The following LAMA4 variants were observed in gnomAD, a reference collection of about 807,000 sequenced individuals.
The protein encoded by LAMA4 is laminin subunit alpha-4.
A neutral mutation model predicts 207.1 loss-of-function variants in LAMA4; 127 were observed. That is an observed-to-expected ratio of 0.61 (90% CI 0.53 to 0.71). LAMA4 has a LOEUF of 0.71. Among genes scored for constraint, LAMA4 ranks in the 30% least tolerant of loss-of-function variants. The probability of loss-of-function intolerance (pLI) is 0.00; values close to 1 mark genes in which losing one functional copy is unlikely to be tolerated. For missense variants in LAMA4, 2,093 were observed against 2,246.5 expected (o/e 0.93, Z 1.38); for synonymous variants, 761 against 816.0 (o/e 0.93, Z 1.15).
rs587773318 is a variant in LAMA4, at chr6:112,108,253, C to T, written c.*1184G>A. Among the ~76,000 whole-genome samples, 1 of 152,046 alleles carries T rather than the reference C, an allele frequency of 6.6e-6. No individual in the cohort carries two copies. Among genetic ancestry groups the T allele is most frequent in the East Asian group, 1.9e-4 (1 of 5,176 alleles). On this transcript the variant is annotated 3_prime_UTR_variant, in exon 39 of 39. Transcript: ENST00000230538. ...GGCCTATTTTCTCTTTTTCTGTCTT[C>T]TGAGTTGAGGTTTTTAGATATAATT...
rs964165785 is a variant in LAMA4, at chr6:112,108,551, C to G, written c.*886G>C. Among the ~76,000 whole-genome samples, 1 of 152,134 alleles carries G rather than the reference C, an allele frequency of 6.6e-6. No homozygotes were observed. The highest frequency in any genetic ancestry group is 1.5e-5 in the Non-Finnish European group (1 of 68,036). On this transcript the variant is annotated 3_prime_UTR_variant, in exon 39 of 39. Transcript: ENST00000230538. ...CCTCCCGTCTCAGCCTCCCAAGTAG[C>G]TGGGACTACAGGTGTATGCCCATGT...
At chr6:112,151,949 TA>T (rs1378494786) in intron 16 of LAMA4, among the ~76,000 whole-genome samples, 1 of 152,146 alleles carries the variant, frequency 6.6e-6, no homozygotes, top group African/African-American at 2.4e-5. Flanking sequence ...TGTGACAAAT[TA>T]CAATTGATTT....
rs553703974 is a variant in LAMA4, at chr6:112,138,781, T to G, written c.3282+339A>C. Among the ~76,000 whole-genome samples the G allele has an allele frequency of 5.3e-5, 8 of 152,302 alleles. No homozygotes were observed. In the South Asian group the frequency reaches 1.7e-3, roughly 32 times the overall value. ...ATACATATATACAAAGCATGCAAGC[T>G]TTGCTTTAAAATTGATTAGGGCATA... On this transcript the variant is annotated intron_variant, in intron 24 of 38. Coordinates refer to ENST00000230538, the MANE Select transcript of LAMA4 (RefSeq NM_001105206.3).
chr6:112,246,367 G>A (rs1786924943), intron 2 of LAMA4, among the ~76,000 whole-genome samples: 1 of 152,044 alleles, frequency 6.6e-6, no homozygotes, highest in African/African-American at 2.4e-5. Flanking sequence ...ATTATGTCTG[G>A]CCATCATTAT....
chr6:112,194,806 A>C (rs1265947569), intron 5 of LAMA4, among the ~76,000 whole-genome samples: 2 of 152,162 alleles, frequency 1.3e-5, no homozygotes, highest in Admixed American at 1.3e-4. Context: ...AGTTTAGAGT[A>C]AGCATTGGAG....
At chr6:112,232,658 T>A (rs1318872387) in intron 2 of LAMA4, among the ~76,000 whole-genome samples, 1 of 152,204 alleles carries the variant, frequency 6.6e-6, no homozygotes, top group Admixed American at 6.6e-5. Context: ...ATAGCTATTC[T>A]GTTACAGCAC....
At chr6:112,115,098 C>T (rs1168021039) in intron 36 of LAMA4, among the ~76,000 whole-genome samples, 2 of 152,180 alleles carry the variant, frequency 1.3e-5, no homozygotes, top group Non-Finnish European at 2.9e-5. Flanking sequence ...CAGCCAGTCT[C>T]CTATTTAACT....
intron 3 of LAMA4, among the ~76,000 whole-genome samples, chr6:112,215,756 C>T (rs1293975049): frequency 2.6e-5 from 4 of 152,122 alleles, no homozygotes; most frequent in African/African-American, 7.2e-5. Context: ...CTCAATCTTT[C>T]GCACAAGGCT....
At chr6:112,242,832 G>A (rs559879605) in intron 2 of LAMA4, among the ~76,000 whole-genome samples, 94 of 152,284 alleles carry the variant, frequency 6.2e-4, no homozygotes, top group Admixed American at 1.2e-3. Context: ...GCTCTACTCT[G>A]TATAATATAA....
chr6:112,221,382 T>C (rs542975158), intron 2 of LAMA4, among the ~76,000 whole-genome samples: 1 of 152,316 alleles, frequency 6.6e-6, no homozygotes, highest in South Asian at 2.1e-4. Flanking sequence ...TGAATTAGAC[T>C]TAGAATTTGA....
intron 19 of LAMA4, 108 bp from the exon 20 acceptor site, chr6:112,142,400 A>G (rs1263878119): frequency 3.1e-6 from 3 of 961,696 alleles, no homozygotes; most frequent in African/African-American, 1.6e-5. Flanking sequence ...CTTCACCTCC[A>G]TACCTGTAGT....
intron 5 of LAMA4, among the ~76,000 whole-genome samples, chr6:112,197,214 T>C (rs1350387679): frequency 6.6e-6 from 1 of 152,144 alleles, no homozygotes; most frequent in Non-Finnish European, 1.5e-5. Flanking sequence ...TCTGGTGGAT[T>C]TGGTGAGTAG....
rs544805373 is a variant in LAMA4, at chr6:112,165,376, A to G, written c.1552-100T>C. ...CAACTTGCTCTCTTTGGACTCAGACAAATCTGGGTTCATATCCCAGCTCCA... is the reference window on the plus strand; with the variant it reads ...CAACTTGCTCTCTTTGGACTCAGACGAATCTGGGTTCATATCCCAGCTCCA... On this transcript the variant is annotated intron_variant, in intron 12 of 38. Transcript: ENST00000230538. 3.6e-6 allele frequency: 3 copies of G among 825,528 alleles called. No individual in the cohort carries two copies. The Admixed American group carries it at 5.1e-5, about 14-fold the overall frequency. The allele number at this position is 825,528 out of a possible 1,614,324, so 51.1% of individuals were successfully genotyped here. A position where few individuals can be genotyped will look rare whatever the true frequency, so the allele number is the denominator to read the frequency against.
At chr6:112,176,344 A>G (rs1430222736) in intron 10 of LAMA4, among the ~76,000 whole-genome samples, 1 of 152,218 alleles carries the variant, frequency 6.6e-6, no homozygotes, top group Non-Finnish European at 1.5e-5. Flanking sequence ...AAGAGGAAGC[A>G]TTTTATCTTG....
chr6:112,237,197 A>T (rs971225139), intron 2 of LAMA4, among the ~76,000 whole-genome samples: 3 of 152,200 alleles, frequency 2.0e-5, no homozygotes, highest in Non-Finnish European at 4.4e-5. Flanking sequence ...GCATAAAAAT[A>T]TCTCTCAGGA....
At position 112,167,808 on chromosome 6, in the gene LAMA4, C is replaced by T. The variant is rs571943214; in HGVS notation, c.1552-2532G>A. On this transcript the variant is annotated intron_variant, in intron 12 of 38. Coordinates refer to ENST00000230538, the MANE Select transcript of LAMA4 (RefSeq NM_001105206.3). Reference sequence around the variant, plus strand: ...CTGGAGTGCTGCCCTTGGATGCTCACGGTCTAGTGGGGTTAGACTAGATGC... The same window carrying T: ...CTGGAGTGCTGCCCTTGGATGCTCATGGTCTAGTGGGGTTAGACTAGATGC... Among the ~76,000 whole-genome samples the T allele has an allele frequency of 6.0e-5, 9 of 151,110 alleles. No homozygotes were observed. The South Asian group carries it at 1.3e-3, about 21-fold the overall frequency.
At chr6:112,169,407 C>A (rs1781585335) in intron 12 of LAMA4, among the ~76,000 whole-genome samples, 1 of 152,148 alleles carries the variant, frequency 6.6e-6, no homozygotes, top group East Asian at 1.9e-4. Flanking sequence ...AAGGCTAATC[C>A]ACGTGGCTAT....
intron 18 of LAMA4, among the ~76,000 whole-genome samples, chr6:112,145,277 C>A (rs527602578): frequency 6.6e-6 from 1 of 152,240 alleles, no homozygotes. Context: ...CGTGCTCTTG[C>A]GCCCAGAGAA....
intron 11 of LAMA4, among the ~76,000 whole-genome samples, chr6:112,173,918 T>C (rs782238814): frequency 2.7e-4 from 41 of 152,238 alleles, no homozygotes; most frequent in Non-Finnish European, 5.1e-4. Flanking sequence ...AGGAGACTAA[T>C]ATATTTAAAA....
Sources: allele counts gnomAD v4.1 joint callset (sites outside exome capture counted in the v4.1 genomes callset), GRCh38; gene constraint gnomAD v4.1.1; transcripts MANE v1.5; gene names NCBI Gene and HGNC (gene_info 2026-07-23, HGNC 2026-07-21).